Variants in CSMD1 observed in about 807,000 individuals in gnomAD.
The protein encoded by CSMD1 is CUB and sushi domain-containing protein 1.
CSMD1 carries 213 observed loss-of-function variants against 417.5 expected under a neutral mutation model. The observed-to-expected ratio is 0.51, with a 90% CI of 0.46 to 0.57. The LOEUF (loss-of-function observed/expected upper bound fraction) is 0.57. Ranked by LOEUF, CSMD1 falls within the 20% of genes least tolerant of loss-of-function variation. CSMD1 has a pLI of 0.00. For missense variants in CSMD1, 6,923 were observed against 4,529.7 expected (o/e 1.53, Z -15.17); for synonymous variants, 2,862 against 1,736.8 (o/e 1.65, Z -16.11).
intron 5 of CSMD1, among the ~76,000 whole-genome samples, chr8:3,936,508 C>T (rs1048267045): frequency 6.6e-6 from 1 of 152,146 alleles, no homozygotes; most frequent in African/African-American, 2.4e-5. Flanking sequence ...ATCCCAGGAT[C>T]CTTAAGAATT....
chr8:4,280,829 G>C (rs529254764), intron 3 of CSMD1, among the ~76,000 whole-genome samples: 1 of 152,046 alleles, frequency 6.6e-6, no homozygotes, highest in East Asian at 1.9e-4. Flanking sequence ...TAAATTATAA[G>C]ACTTTTATCT....
intron 2 of CSMD1, among the ~76,000 whole-genome samples, chr8:4,430,756 T>C (rs1797828133): frequency 1.3e-5 from 2 of 152,156 alleles, no homozygotes; most frequent in African/African-American, 4.8e-5. Context: ...ACATAATGTA[T>C]GTTTATGACA....
chr8:3,703,068 C>T (rs1162710661), intron 7 of CSMD1, among the ~76,000 whole-genome samples: 2 of 152,074 alleles, frequency 1.3e-5, no homozygotes, highest in African/African-American at 4.8e-5. Context: ...TTATAAAATA[C>T]TTAGATATTT....
chr8:4,109,686 GA>G (rs1281146225), intron 3 of CSMD1, among the ~76,000 whole-genome samples: 1 of 152,082 alleles, frequency 6.6e-6, no homozygotes, highest in Non-Finnish European at 1.5e-5. Context: ...TAATTTTCAA[GA>G]TACTCCGAGG....
At chr8:4,272,849 C>T (rs968997485) in intron 3 of CSMD1, among the ~76,000 whole-genome samples, 4 of 152,032 alleles carry the variant, frequency 2.6e-5, no homozygotes, top group Admixed American at 6.6e-5. Flanking sequence ...GAATAAGTCT[C>T]GACACACAGA....
chr8:2,987,270 A>C (rs113222134), intron 54 of CSMD1, among the ~76,000 whole-genome samples: 6,624 of 151,926 alleles, frequency 0.044, 172 homozygotes, highest in African/African-American at 0.061. Context: ...TTGACATGAA[A>C]AATTCTTCAT....
rs144353001 is a variant in CSMD1, at chr8:4,317,154, A to G, written c.415+102799T>C. 2.7e-4 allele frequency among the ~76,000 whole-genome samples: 41 copies of G among 152,278 alleles called. No homozygotes were observed. The East Asian group carries it at 7.7e-3, about 29-fold the overall frequency. ...CATCTAAGGTTGAATAATAATCCCC[A>G]AATCCCTTGTAAAGTTTTACAGTTT... On this transcript the variant is annotated intron_variant, in intron 3 of 69. Coordinates refer to ENST00000635120, the MANE Select transcript of CSMD1 (RefSeq NM_033225.6).
chr8:3,805,277 G>C (rs77869750), intron 5 of CSMD1, among the ~76,000 whole-genome samples: 4 of 152,024 alleles, frequency 2.6e-5, no homozygotes, highest in Non-Finnish European at 5.9e-5. Context: ...CATCAGCATC[G>C]CAGAGGAAGG....
At chr8:4,159,234 G>C (rs1714773) in intron 3 of CSMD1, among the ~76,000 whole-genome samples, 150,005 of 152,288 alleles carry the variant, frequency 0.99, 73,923 homozygotes, top group East Asian at 1. Flanking sequence ...TTTATTGATA[G>C]ATAACCGTGA....
intron 7 of CSMD1, among the ~76,000 whole-genome samples, chr8:3,671,461 ACACATATAAT>A (rs1799031505): frequency 7.1e-6 from 1 of 141,750 alleles, no homozygotes; most frequent in Non-Finnish European, 1.5e-5. Context: ...ATATAATCAT[ACACATATAAT>A]CATATATATA....
rs146907454 is a variant in CSMD1 at position 3,514,277 on chromosome 8, C to A, written c.1345-20551G>T. 1.6e-3 allele frequency among the ~76,000 whole-genome samples: 238 copies of A among 152,250 alleles called. 1 individual carries two copies. In the Middle Eastern group the frequency reaches 0.017, roughly 11 times the overall value. On this transcript the variant is annotated intron_variant, in intron 10 of 69. Coordinates refer to ENST00000635120, the MANE Select transcript of CSMD1 (RefSeq NM_033225.6). ...TCTCAGGAAGCCATTATAAATGGTGCAACATAGAGACGTCCTCAGTGCATT... is the reference window on the plus strand; with the variant it reads ...TCTCAGGAAGCCATTATAAATGGTGAAACATAGAGACGTCCTCAGTGCATT...
chr8:2,955,767 A>G lies in CSMD1; in HGVS notation c.9816T>C (p.Pro3272=). 5 of 1,613,216 alleles carry G rather than the reference A, an allele frequency of 3.1e-6. No individual in the cohort carries two copies. The highest frequency in any genetic ancestry group is 4.2e-6 in the Non-Finnish European group (5 of 1,179,506). Residue 3272 remains proline, a splice_region_variant and synonymous_variant, in exon 64 of 70, where the codon CCT becomes CCC. Coordinates refer to ENST00000635120, the MANE Select transcript of CSMD1 (RefSeq NM_033225.6). ...GGGTTTCTGGCTGTCTGCAGGCATG[A>G]GCTGAAACAACATTAGGAAACATTG... is the stretch of plus-strand genomic sequence containing the variant. ...TWSGIQTECI[P]HACRQPETPA...
At chr8:4,555,463 G>A (rs755737619) in intron 2 of CSMD1, among the ~76,000 whole-genome samples, 11 of 152,078 alleles carry the variant, frequency 7.2e-5, no homozygotes, top group Non-Finnish European at 1.6e-4. Flanking sequence ...ACAAATCAGG[G>A]GGCGATTCTG....
At chr8:2,981,685 T>C (rs1426193194) in intron 54 of CSMD1, among the ~76,000 whole-genome samples, 4 of 152,168 alleles carry the variant, frequency 2.6e-5, no homozygotes, top group Non-Finnish European at 5.9e-5. Context: ...CTTATATACA[T>C]TCAGCCCAGC....
intron 3 of CSMD1, among the ~76,000 whole-genome samples, chr8:4,261,542 G>A (rs1478687592): frequency 6.6e-6 from 1 of 152,216 alleles, no homozygotes; most frequent in East Asian, 1.9e-4. Context: ...ATTTGCTAAG[G>A]TAAGAGTAGA....
At chr8:4,007,334 G>A (rs1563311637) in intron 4 of CSMD1, among the ~76,000 whole-genome samples, 1 of 152,132 alleles carries the variant, frequency 6.6e-6, no homozygotes, top group South Asian at 2.1e-4. Context: ...CACCTCCTTT[G>A]GCTCCCATTT....
chr8:3,512,351 A>G (rs914528576), intron 10 of CSMD1, among the ~76,000 whole-genome samples: 8 of 152,086 alleles, frequency 5.3e-5, no homozygotes, highest in Admixed American at 4.6e-4. Context: ...CTCCCCTAAT[A>G]CAGACTTCAG....
chr8:3,087,072 C>G, intron 49 of CSMD1, 25 bp downstream of exon 49: 5 of 1,597,338 alleles, frequency 3.1e-6, no homozygotes, highest in Non-Finnish European at 2.6e-6. Context: ...GGAAACAAGG[C>G]TGGGGATGAA....
intron 5 of CSMD1, among the ~76,000 whole-genome samples, chr8:3,898,731 C>G (rs901852198): frequency 6.6e-6 from 1 of 152,142 alleles, no homozygotes; most frequent in Non-Finnish European, 1.5e-5. Flanking sequence ...AGCAGAAAAT[C>G]CTACTTTTCT....
Sources: allele counts gnomAD v4.1 joint callset (sites outside exome capture counted in the v4.1 genomes callset), GRCh38; gene constraint gnomAD v4.1.1; transcripts MANE v1.5; gene names NCBI Gene and HGNC (gene_info 2026-07-23, HGNC 2026-07-21).